DYM: variants seen among roughly 807,000 people sequenced by gnomAD.
The protein encoded by DYM is dyggve-Melchior-Clausen syndrome protein.
A neutral mutation model predicts 93.1 loss-of-function variants in DYM; 78 were observed. That is an observed-to-expected ratio of 0.84 (90% CI 0.70 to 1.01). The LOEUF is 1.01. Ranked by LOEUF, DYM falls within the 50% of genes least tolerant of loss-of-function variation. The pLI is 0.00. For synonymous variants in DYM, 321 were observed against 319.7 expected (o/e 1.00, Z -0.04); for missense variants, 789 against 845.0 (o/e 0.93, Z 0.82).
chr18:49,424,523 C>A, intron 2 of DYM, among the ~76,000 whole-genome samples: 1 of 151,904 alleles, frequency 6.6e-6, no homozygotes, highest in East Asian at 1.9e-4. Context: ...TCCTGTTCAA[C>A]ATAGTGTTGG....
chr18:49,194,384 T>A (rs992154769), intron 14 of DYM, among the ~76,000 whole-genome samples: 10 of 149,442 alleles, frequency 6.7e-5, no homozygotes, highest in African/African-American at 2.5e-4. Context: ...AGTGCCTCCT[T>A]CACCAACGCA....
intron 6 of DYM, among the ~76,000 whole-genome samples, chr18:49,346,610 TA>T (rs202180989): frequency 0.2 from 30,755 of 152,130 alleles, 3,159 homozygotes; most frequent in East Asian, 0.27. Flanking sequence ...CTGAACTGTA[TA>T]TTTTTAAAGG....
At chr18:49,175,299 C>A (rs578110184) in intron 14 of DYM, among the ~76,000 whole-genome samples, 60 of 152,290 alleles carry the variant, frequency 3.9e-4, no homozygotes, top group African/African-American at 1.3e-3. Flanking sequence ...AAAGAAACTG[C>A]AATGACGTCG....
At chr18:49,083,528 G>A (rs1358607386) in intron 17 of DYM, among the ~76,000 whole-genome samples, 1 of 151,700 alleles carries the variant, frequency 6.6e-6, no homozygotes, top group Non-Finnish European at 1.5e-5. Context: ...TGAATGAGCT[G>A]GGTAGCATTC....
chr18:49,271,009 T>A (rs887311104), intron 11 of DYM, among the ~76,000 whole-genome samples: 5 of 152,118 alleles, frequency 3.3e-5, no homozygotes, highest in African/African-American at 1.2e-4. Context: ...AGAGACTATG[T>A]ACAACAAGGT....
chr18:49,059,494 A>T (rs2075774901), intron 17 of DYM, among the ~76,000 whole-genome samples: 1 of 152,214 alleles, frequency 6.6e-6, no homozygotes, highest in Admixed American at 6.5e-5. Flanking sequence ...AATAATGGTC[A>T]TCTTTGCCAC....
chr18:49,279,483 C>G (rs2094919284), intron 10 of DYM, among the ~76,000 whole-genome samples: 1 of 152,168 alleles, frequency 6.6e-6, no homozygotes, highest in Admixed American at 6.5e-5. Context: ...ACAGATGGAG[C>G]ATAAATTAAG....
chr18:49,210,235 T>C (rs1255232565), intron 13 of DYM, among the ~76,000 whole-genome samples: 6 of 152,218 alleles, frequency 3.9e-5, no homozygotes, highest in Admixed American at 2.6e-4. Context: ...TGAAAACTTA[T>C]ATCCACACAA....
rs370108675 is a variant in DYM at position 49,209,688 on chromosome 18, A to G, written c.1488T>C (p.Tyr496=). 81 of 1,285,560 alleles carry G rather than the reference A, an allele frequency of 6.3e-5. No individual in the cohort carries two copies. Among genetic ancestry groups the G allele is most frequent in the African/African-American group, 9.1e-5 (6 of 65,920 alleles). The allele number at this position is 1,285,560 out of a possible 1,614,324, so 79.6% of individuals were successfully genotyped here. A position where few individuals can be genotyped will look rare whatever the true frequency, so the allele number is the denominator to read the frequency against. The stretch of plus-strand genomic sequence containing the variant: ...AATACAGTTTGTCCAACACATAAAC[A>G]TATCTCCGCAAGTGGCGGCAGGTAT... ...ISYTCRHLRR[Y]VYVLDKLYFP... is the part of the protein sequence containing the mutation. The change falls in exon 14 of 18, where the codon TAT becomes TAC. Residue 496 remains tyrosine (Y), a synonymous_variant. Coordinates refer to ENST00000675505, the MANE Select transcript of DYM (RefSeq NM_001353214.3).
chr18:49,080,451 T>A (rs1460957963), intron 17 of DYM, among the ~76,000 whole-genome samples: 1 of 93,608 alleles, frequency 1.1e-5, no homozygotes, highest in Non-Finnish European at 2.1e-5. Context: ...CACTTCCCAG[T>A]AGGGGCGGCT....
At chr18:49,116,214 A>AT (rs1325883646) in intron 16 of DYM, 1 of 152,198 alleles carries the variant, frequency 6.6e-6, no homozygotes, top group Admixed American at 6.5e-5. Context: ...ATCAAATGTC[A>AT]TTTTATCACA....
At chr18:49,187,748 A>T (rs1234802176) in intron 14 of DYM, among the ~76,000 whole-genome samples, 1 of 152,202 alleles carries the variant, frequency 6.6e-6, no homozygotes, top group Non-Finnish European at 1.5e-5. Flanking sequence ...AAGAAATGTC[A>T]TTTGGTTATG....
intron 13 of DYM, among the ~76,000 whole-genome samples, chr18:49,214,413 G>A (rs566373497): frequency 1.5e-4 from 23 of 152,258 alleles, no homozygotes; most frequent in African/African-American, 5.1e-4. Context: ...ATCTGAAGTG[G>A]AACGGTTTCA....
At chr18:49,243,113 T>C (rs993257386) in intron 13 of DYM, among the ~76,000 whole-genome samples, 1 of 152,150 alleles carries the variant, frequency 6.6e-6, no homozygotes, top group Admixed American at 6.5e-5. Context: ...TTCCCAGATA[T>C]AACTCAAGCA....
At chr18:49,218,110 G>C (rs911467528) in intron 13 of DYM, among the ~76,000 whole-genome samples, 20 of 152,016 alleles carry the variant, frequency 1.3e-4, no homozygotes, top group East Asian at 5.8e-4. Flanking sequence ...CAATCCTAGT[G>C]TCTGATAAAA....
At chr18:49,234,868 G>A (rs978203603) in intron 13 of DYM, among the ~76,000 whole-genome samples, 1 of 152,198 alleles carries the variant, frequency 6.6e-6, no homozygotes, top group Non-Finnish European at 1.5e-5. Context: ...TCAAGCATGA[G>A]AAGCATCATT....
intron 15 of DYM, among the ~76,000 whole-genome samples, chr18:49,160,910 C>A (rs995046299): frequency 6.6e-6 from 1 of 152,136 alleles, no homozygotes; most frequent in African/African-American, 2.4e-5. Flanking sequence ...AAGGTTACTG[C>A]TGTTTGTTTA....
At chr18:49,452,232 C>T (rs542118788) in intron 1 of DYM, among the ~76,000 whole-genome samples, 2 of 152,238 alleles carry the variant, frequency 1.3e-5, no homozygotes, top group East Asian at 1.9e-4. Flanking sequence ...AGGAGTGAAG[C>T]GGCAGACCTT....
intron 8 of DYM, among the ~76,000 whole-genome samples, chr18:49,297,453 T>C (rs745561199): frequency 2.8e-4 from 43 of 152,080 alleles, no homozygotes; most frequent in Admixed American, 7.2e-4. Flanking sequence ...GGAGAGAGGG[T>C]TCTGGAGTGC....
Sources: gnomAD v4.1 joint callset for allele counts (sites outside exome capture counted in the v4.1 genomes callset) on GRCh38, gnomAD v4.1.1 for gene constraint, MANE v1.5 for transcripts, NCBI Gene and HGNC (gene_info 2026-07-23, HGNC 2026-07-21) for gene names.